Variants in TXK observed in about 807,000 individuals in gnomAD.
TXK encodes TXK tyrosine kinase.
TXK carries 60 observed loss-of-function variants against 81.0 expected under a neutral mutation model. The ratio of observed to expected loss-of-function variants is 0.74; its 90% confidence interval spans 0.60 to 0.92. The LOEUF is 0.92. TXK is among the 40% of genes least tolerant of loss of function. The pLI, the probability that TXK is intolerant of heterozygous loss-of-function variation, is 0.00. For missense variants in TXK, 581 were observed against 638.3 expected (o/e 0.91, Z 0.97); for synonymous variants, 203 against 210.7 (o/e 0.96, Z 0.32).
intron 12 of TXK, among the ~76,000 whole-genome samples, chr4:48,075,816 T>A (rs1185306987): frequency 6.6e-6 from 1 of 152,074 alleles, no homozygotes; most frequent in African/African-American, 2.4e-5. Flanking sequence ...CTACCAGTAC[T>A]ATAGCCCCAC....
In TXK at chr4:48,079,967, T is replaced by A. The variant is rs2109408284; in HGVS notation, c.1118A>T (p.Asp373Val). 1.2e-6 allele frequency: 2 copies of A among 1,613,986 alleles called. No homozygotes were observed. The highest frequency in any genetic ancestry group is 8.5e-7 in the Non-Finnish European group (1 of 1,179,950). The change falls in exon 11 of 15, where the codon GAT (aspartate) becomes GTT (valine). Residue 373 changes from aspartate to valine, a missense_variant. Physicochemically the swap from Asp to Val is radical, Grantham distance 152. Coordinates refer to ENST00000264316, the MANE Select transcript of TXK (RefSeq NM_003328.3). ...CAGATATTCCATTCCTTCACATATATCCTGGCATACACTCAGTAGCATTTC... is the reference window on the plus strand; with the variant it reads ...CAGATATTCCATTCCTTCACATATAACCTGGCATACACTCAGTAGCATTTC... ...RKEMLLSVCQ[D>V]ICEGMEYLER...
intron 11 of TXK, among the ~76,000 whole-genome samples, chr4:48,077,033 A>G (rs996853017): frequency 6.6e-6 from 1 of 152,212 alleles, no homozygotes; most frequent in East Asian, 1.9e-4. Flanking sequence ...AAAATACATA[A>G]CAGATAAGGC....
At chr4:48,103,651 T>C (rs1256272275) in intron 6 of TXK, among the ~76,000 whole-genome samples, 2 of 152,238 alleles carry the variant, frequency 1.3e-5, no homozygotes. Context: ...ACTCTACTTT[T>C]ACCCACAGTT....
At chr4:48,087,327 G>T (rs1199235151) in intron 9 of TXK, among the ~76,000 whole-genome samples, 3 of 152,072 alleles carry the variant, frequency 2.0e-5, no homozygotes, top group African/African-American at 7.2e-5. Context: ...CCATCTGCTG[G>T]AACTTTTGAA....
intron 11 of TXK, 93 bp from the exon 12 acceptor site, chr4:48,076,559 C>T (rs1717077188): frequency 1.0e-6 from 1 of 1,000,406 alleles, no homozygotes; most frequent in Admixed American, 2.1e-5. Flanking sequence ...GGACCCCACA[C>T]TACCTCTCTG....
rs1393282804 is a variant in TXK, at chr4:48,074,004, T to C, written c.1288A>G (p.Ile430Val). 11 of 1,613,970 alleles carry C rather than the reference T, an allele frequency of 6.8e-6. No homozygotes were observed. The highest frequency in any genetic ancestry group is 3.3e-5 in the South Asian group (3 of 91,044). The change falls in exon 13 of 15, where the codon ATC (isoleucine) becomes GTC (valine). Residue 430 changes from isoleucine (I) to valine (V), a missense_variant. Coordinates refer to ENST00000264316, the MANE Select transcript of TXK (RefSeq NM_003328.3). ...YVSSFGAKFP[I>V]KWSPPEVFLF... Reference sequence around the variant, plus strand: ...AAAACTTCAGGAGGGGACCACTTGATTGGGAACTTGGCTCCAAAAGAACTG... The same window carrying C: ...AAAACTTCAGGAGGGGACCACTTGACTGGGAACTTGGCTCCAAAAGAACTG...
chr4:48,091,024 A>T (rs1212643202), intron 8 of TXK, among the ~76,000 whole-genome samples: 1 of 152,264 alleles, frequency 6.6e-6, no homozygotes, highest in Non-Finnish European at 1.5e-5. Flanking sequence ...ATTCCAGCAG[A>T]TTCCAAGATG....
Position 48,092,517 on chromosome 4 carries a change from A to T in TXK, c.709+1560T>A, listed in dbSNP as rs17574051. On this transcript the variant is annotated intron_variant, in intron 8 of 14. Coordinates refer to ENST00000264316, the MANE Select transcript of TXK (RefSeq NM_003328.3). ...GAAGACAGATCATAGATGTTTAAAA[A>T]GTAAATGGAAAGTGAGAGAGTGGAG... Among the ~76,000 whole-genome samples, 129 of 146,740 alleles carry T rather than the reference A, an allele frequency of 8.8e-4. No individual in the cohort carries two copies. In the East Asian group the frequency reaches 0.018, roughly 20 times the overall value.
At chr4:48,117,644 C>T (rs1239159580) in intron 1 of TXK, among the ~76,000 whole-genome samples, 3 of 152,202 alleles carry the variant, frequency 2.0e-5, no homozygotes, top group Non-Finnish European at 4.4e-5. Flanking sequence ...AACAACAATA[C>T]TCTAGTGCAT....
intron 10 of TXK, among the ~76,000 whole-genome samples, chr4:48,084,007 T>C (rs932203761): frequency 2.0e-5 from 3 of 152,336 alleles, no homozygotes; most frequent in African/African-American, 7.2e-5. Context: ...TGTCAATGCA[T>C]GTCAACTATT....
chr4:48,080,294 C>T (rs924529892), intron 10 of TXK, 166 bp from the exon 11 acceptor site: 17 of 622,796 alleles, frequency 2.7e-5, no homozygotes, highest in African/African-American at 2.2e-4. Flanking sequence ...CCACTTAATG[C>T]ACTGAGAATG....
intron 14 of TXK, among the ~76,000 whole-genome samples, chr4:48,068,354 A>G (rs1384978355): frequency 1.3e-5 from 2 of 152,174 alleles, no homozygotes; most frequent in East Asian, 1.9e-4. Flanking sequence ...CAGGGTATCT[A>G]TGACACCTGA....
At chr4:48,131,317 CTTT>C (rs35308874) in intron 1 of TXK, among the ~76,000 whole-genome samples, 453 of 145,138 alleles carry the variant, frequency 3.1e-3, no homozygotes, top group South Asian at 7.6e-3. Context: ...AACATATAAA[CTTT>C]TTTTTTTTTT....
At chr4:48,132,746 G>C (rs1196145328) in intron 1 of TXK, among the ~76,000 whole-genome samples, 1 of 152,000 alleles carries the variant, frequency 6.6e-6, no homozygotes, top group Non-Finnish European at 1.5e-5. Flanking sequence ...AGGAGTTTGA[G>C]ACCAACCTGG....
At chr4:48,077,589 C>G (rs1399407669) in intron 11 of TXK, among the ~76,000 whole-genome samples, 1 of 151,950 alleles carries the variant, frequency 6.6e-6, no homozygotes, top group Non-Finnish European at 1.5e-5. Flanking sequence ...GGAACTTTCA[C>G]CCAATTGTTA....
chr4:48,107,879 C>T (rs1718507147), intron 5 of TXK, among the ~76,000 whole-genome samples: 1 of 147,298 alleles, frequency 6.8e-6, no homozygotes, highest in South Asian at 2.1e-4. Context: ...TGGCTAACAC[C>T]GTGAAACTCT....
chr4:48,080,392 C>T (rs1717254640), intron 10 of TXK, among the ~76,000 whole-genome samples: 3 of 152,096 alleles, frequency 2.0e-5, no homozygotes, highest in South Asian at 2.1e-4. Context: ...TTATGTTTCT[C>T]CTCTTCATTT....
At chr4:48,132,608 A>G (rs540975673) in intron 1 of TXK, among the ~76,000 whole-genome samples, 2 of 152,274 alleles carry the variant, frequency 1.3e-5, no homozygotes, top group East Asian at 3.9e-4. Context: ...GTGTGTGTGT[A>G]TATATATTTA....
intron 6 of TXK, among the ~76,000 whole-genome samples, chr4:48,102,061 C>T (rs1718213242): frequency 6.6e-6 from 1 of 152,130 alleles, no homozygotes; most frequent in Non-Finnish European, 1.5e-5. Flanking sequence ...TCACTGCAAT[C>T]TCCACCTCCC....
Sources: gnomAD v4.1 joint callset for allele counts (sites outside exome capture counted in the v4.1 genomes callset) on GRCh38, gnomAD v4.1.1 for gene constraint, MANE v1.5 for transcripts, NCBI Gene and HGNC (gene_info 2026-07-23, HGNC 2026-07-21) for gene names.